Variants in ADAT2 observed in about 807,000 individuals in gnomAD.
ADAT2 encodes the protein tRNA-specific adenosine-34 deaminase catalytic subunit ADAT2.
Under a neutral mutation model 25.9 loss-of-function variants are expected in ADAT2, and 26 were observed. That is an observed-to-expected ratio of 1.00 (90% CI 0.74 to 1.39). The LOEUF (loss-of-function observed/expected upper bound fraction) is 1.39. Ranked by LOEUF, ADAT2 falls within the 40% of genes most tolerant of loss-of-function variation. ADAT2 has a pLI of 0.00. For synonymous variants in ADAT2, 76 were observed against 86.8 expected, an observed-to-expected ratio of 0.88 and a Z score of 0.69; for missense variants, 220 against 244.8, an observed-to-expected ratio of 0.90 and a Z score of 0.68.
At chr6:143,447,235 C>T (rs934311713) in intron 1 of ADAT2, among the ~76,000 whole-genome samples, 6 of 152,076 alleles carry the variant, frequency 3.9e-5, no homozygotes, top group African/African-American at 1.4e-4. Context: ...TATTTTATTT[C>T]ACCTTAATTA....
chr6:143,442,226 T>C lies in ADAT2; in HGVS notation c.97-3532A>G, dbSNP rs1779478563. On this transcript the variant is annotated intron_variant, in intron 1 of 5. Transcript: ENST00000237283. This position sits in a 1 kb window ranked among gnomAD's most constrained non-coding sequence, Gnocchi z 4.6. ...TGTACCATGGGACACAATGCAGCAA[T>C]AACAAGGAATGAACTATCGATAATC... 6.6e-6 allele frequency among the ~76,000 whole-genome samples: 1 copy of C among 152,132 alleles called. No individual in the cohort carries two copies. Among genetic ancestry groups the C allele is most frequent in the South Asian group, 2.1e-4 (1 of 4,834 alleles).
At position 143,446,146 on chromosome 6, in the gene ADAT2, G is replaced by A. The variant is rs1779593209; in HGVS notation, c.96+4417C>T. On this transcript the variant is annotated intron_variant, in intron 1 of 5. Coordinates refer to ENST00000237283, the MANE Select transcript of ADAT2 (RefSeq NM_182503.3). The surrounding 1 kb of genome is among the most constrained non-coding windows in gnomAD (Gnocchi z 5.0). ...TAATCCCTGTTATTCTGAAGCAACGGGGGTTTTTTCTGTTTTTTCCTATGC... is the reference window on the plus strand; with the variant it reads ...TAATCCCTGTTATTCTGAAGCAACGAGGGTTTTTTCTGTTTTTTCCTATGC... Among the ~76,000 whole-genome samples the A allele has an allele frequency of 6.6e-6, 1 of 150,894 alleles. No homozygotes were observed. The highest frequency in any genetic ancestry group is 6.6e-5 in the Admixed American group (1 of 15,128).
At chr6:143,450,021 T>G (rs1779716815) in intron 1 of ADAT2, 1 of 152,404 alleles carries the variant, frequency 6.6e-6, no homozygotes, top group African/African-American at 2.4e-5. Context: ...TTTTTCCCAG[T>G]TAAGAAGCTC....
rs1429477853 is a variant in ADAT2 at position 143,444,774 on chromosome 6, C to CT, written c.96+5788dup. ...TCTATTTTGTCCTTGAATATAATTT[C>CT]TTTTTTTTCTCTAGTCAGGGCCTGC... On this transcript the variant is annotated intron_variant, in intron 1 of 5. Coordinates refer to ENST00000237283, the MANE Select transcript of ADAT2 (RefSeq NM_182503.3). The surrounding 1 kb of genome is among the most constrained non-coding windows in gnomAD (Gnocchi z 4.3). 55 of 289,698 alleles carry CT rather than the reference C, an allele frequency of 1.9e-4. No individual in the cohort carries two copies. Among genetic ancestry groups the CT allele is most frequent in the Non-Finnish European group, 2.8e-4 (47 of 165,668 alleles). 17.9% of individuals were successfully genotyped at this position (289,698 alleles called of 1,614,324 possible).
rs1562635171 is a variant in ADAT2 at position 143,428,370 on chromosome 6, T to C, written c.*93A>G. 7.2e-7 allele frequency: 1 copy of C among 1,395,618 alleles called. No individual in the cohort carries two copies. Among genetic ancestry groups the C allele is most frequent in the Non-Finnish European group, 9.9e-7 (1 of 1,008,606 alleles). 86.5% of individuals were successfully genotyped at this position (1,395,618 alleles called of 1,614,324 possible). On this transcript the variant is annotated 3_prime_UTR_variant, in exon 6 of 6. Coordinates refer to ENST00000237283, the MANE Select transcript of ADAT2 (RefSeq NM_182503.3). The surrounding 1 kb of genome is among the most constrained non-coding windows in gnomAD (Gnocchi z 5.0). ...ATTTTCCTGCAGATTAAAAACAATA[T>C]ATAAACATATGATTCAACGATGTCA...
In ADAT2 at chr6:143,424,926, A is replaced by G. The variant is rs1444675327; in HGVS notation, c.*3537T>C. Reference sequence around the variant, plus strand: ...TGCTTATTCATTGCAACAGAGAAAAAAGGTAACTATATAGTGAAGGAATAG... The same window carrying G: ...TGCTTATTCATTGCAACAGAGAAAAGAGGTAACTATATAGTGAAGGAATAG... On this transcript the variant is annotated 3_prime_UTR_variant, in exon 6 of 6. Transcript: ENST00000237283. This position sits in a 1 kb window ranked among gnomAD's most constrained non-coding sequence, Gnocchi z 4.8. 6.6e-6 allele frequency: 1 copy of G among 152,190 alleles called. No homozygotes were observed. The highest frequency in any genetic ancestry group is 2.4e-5 in the African/African-American group (1 of 41,466). 9.4% of individuals were successfully genotyped at this position (152,190 alleles called of 1,614,324 possible). A position where few individuals can be genotyped will look rare whatever the true frequency, so the allele number is the denominator to read the frequency against.
In ADAT2 at chr6:143,434,070, G is replaced by T; in HGVS notation, c.202-89C>A. ...TACAAAAACTAAGTACAAAATATGC[G>T]CCTATCCTTTCTGCCAATATTTTAA... On this transcript the variant is annotated intron_variant, in intron 2 of 5. Coordinates refer to ENST00000237283, the MANE Select transcript of ADAT2 (RefSeq NM_182503.3). The surrounding 1 kb of genome is among the most constrained non-coding windows in gnomAD (Gnocchi z 4.5). 1 of 1,493,118 alleles carries T rather than the reference G, an allele frequency of 6.7e-7. No homozygotes were observed. Among genetic ancestry groups the T allele is most frequent in the Non-Finnish European group, 9.1e-7 (1 of 1,098,072 alleles). 92.5% of individuals were successfully genotyped at this position (1,493,118 alleles called of 1,614,324 possible).
At chr6:143,447,342 C>T (rs1173762062) in intron 1 of ADAT2, among the ~76,000 whole-genome samples, 1 of 152,150 alleles carries the variant, frequency 6.6e-6, no homozygotes, top group Non-Finnish European at 1.5e-5. Context: ...TTTCAAAGCA[C>T]ATACATCCTT....
chr6:143,441,477 G>C (rs1331444004), intron 1 of ADAT2: 1 of 152,426 alleles, frequency 6.6e-6, no homozygotes, highest in Non-Finnish European at 1.5e-5. Context: ...ATCAGCATCT[G>C]CTTCCAGTGA....
Position 143,432,542 on chromosome 6 carries a change from G to A in ADAT2, c.422C>T (p.Ala141Val). ...CCCAGTGTTTGGTAGGTCAGCAGAGGCAATATTTAGAACAGAGCCACAACC... is the reference window on the plus strand; with the variant it reads ...CCCAGTGTTTGGTAGGTCAGCAGAGACAATATTTAGAACAGAGCCACAACC... The part of the protein sequence containing the change: ...FGGCGSVLNI[A>V]SADLPNTGRP... The change falls in exon 4 of 6, where the codon GCC becomes GTC. Residue 141 changes from alanine (A) to valine (V), a missense_variant. By Grantham distance (64) the Ala-to-Val change is moderately conservative (BLOSUM62 0). Coordinates refer to ENST00000237283, the MANE Select transcript of ADAT2 (RefSeq NM_182503.3). The surrounding 1 kb of genome is among the most constrained non-coding windows in gnomAD (Gnocchi z 4.4). 6.2e-7 allele frequency: 1 copy of A among 1,614,150 alleles called. No individual in the cohort carries two copies. Among genetic ancestry groups the A allele is most frequent in the Non-Finnish European group, 8.5e-7 (1 of 1,180,026 alleles).
chr6:143,425,097 A>G lies in ADAT2; in HGVS notation c.*3366T>C, dbSNP rs1331850226. On this transcript the variant is annotated 3_prime_UTR_variant, in exon 6 of 6. Coordinates refer to ENST00000237283, the MANE Select transcript of ADAT2 (RefSeq NM_182503.3). ...AGAAAATATCAAATAAATTTAAAAC[A>G]AGGACCATTCTATTATTTAAAAAAA... 2.0e-5 allele frequency: 3 copies of G among 152,206 alleles called. No homozygotes were observed. In the East Asian group the frequency reaches 5.8e-4, roughly 29 times the overall value. The allele number at this position is 152,206 out of a possible 1,614,324, so 9.4% of individuals were successfully genotyped here.
intron 1 of ADAT2, among the ~76,000 whole-genome samples, chr6:143,439,301 C>T (rs1259491256): frequency 9.4e-6 from 1 of 105,916 alleles, no homozygotes; most frequent in Non-Finnish European, 1.9e-5. Flanking sequence ...CAGTCTATAA[C>T]AAAATTCCAC....
chr6:143,427,718 T>G lies in ADAT2; in HGVS notation c.*745A>C, dbSNP rs1778980490. On this transcript the variant is annotated 3_prime_UTR_variant, in exon 6 of 6. Transcript: ENST00000237283. ...GTAATCTATCATATCCATCTCCCCT[T>G]GCTAGAATATAAGCTCCATGAGGGT... 1 of 152,198 alleles carries G rather than the reference T, an allele frequency of 6.6e-6. No homozygotes were observed. The highest frequency in any genetic ancestry group is 2.4e-5 in the African/African-American group (1 of 41,448). The allele number at this position is 152,198 out of a possible 1,614,324, so 9.4% of individuals were successfully genotyped here. A position where few individuals can be genotyped will look rare whatever the true frequency, so the allele number is the denominator to read the frequency against.
rs374066873 is a variant in ADAT2, at chr6:143,428,415, T to A, written c.*48A>T. On this transcript the variant is annotated 3_prime_UTR_variant, in exon 6 of 6. Transcript: ENST00000237283. The surrounding 1 kb of genome is among the most constrained non-coding windows in gnomAD (Gnocchi z 5.0). ...ATGTCAACAGCTTTCAGTCTATGAA[T>A]CTTGTCCAGGTCACTTTGGGTCACT... is the stretch of plus-strand genomic sequence containing the variant. The A allele has an allele frequency of 2.1e-5, 34 of 1,588,208 alleles. No homozygotes were observed. In the African/African-American group the frequency reaches 4.5e-4, roughly 21 times the overall value.
At chr6:143,435,646 A>C (rs370759999) in intron 2 of ADAT2, among the ~76,000 whole-genome samples, 314 of 152,314 alleles carry the variant, frequency 2.1e-3, no homozygotes, top group African/African-American at 7.1e-3. Context: ...TTCTACTCCT[A>C]AATAAGTATC....
At chr6:143,439,477 C>A (rs1779394268) in intron 1 of ADAT2, among the ~76,000 whole-genome samples, 1 of 152,082 alleles carries the variant, frequency 6.6e-6, no homozygotes, top group Non-Finnish European at 1.5e-5. Context: ...CAAACTGTGT[C>A]CTATTCATAT....
intron 1 of ADAT2, 102 bp downstream of exon 1, chr6:143,450,461 A>C: frequency 7.7e-7 from 1 of 1,305,168 alleles, no homozygotes; most frequent in Non-Finnish European, 1.1e-6. Flanking sequence ...GACTGCCATA[A>C]AAATTATGGT....
Position 143,432,466 on chromosome 6 carries a change from A to G in ADAT2, c.459+39T>C. The G allele has an allele frequency of 6.4e-7, 1 of 1,557,736 alleles. No individual in the cohort carries two copies. The highest frequency in any genetic ancestry group is 8.9e-7 in the Non-Finnish European group (1 of 1,128,954). On this transcript the variant is annotated intron_variant, in intron 4 of 5. Coordinates refer to ENST00000237283, the MANE Select transcript of ADAT2 (RefSeq NM_182503.3). This position sits in a 1 kb window ranked among gnomAD's most constrained non-coding sequence, Gnocchi z 4.4. ...CACAAGCCCATAAAGAGATGAAAATAATTAGCAAGAAAGAAAAAGCATAAG... is the reference window on the plus strand; with the variant it reads ...CACAAGCCCATAAAGAGATGAAAATGATTAGCAAGAAAGAAAAAGCATAAG...
In ADAT2 at chr6:143,434,027, A is replaced by T; in HGVS notation, c.202-46T>A. The T allele has an allele frequency of 6.2e-7, 1 of 1,603,582 alleles. No homozygotes were observed. The highest frequency in any genetic ancestry group is 8.5e-7 in the Non-Finnish European group (1 of 1,176,446). ...GCACTGATGCTGTTTGCTTCATGTG[A>T]CTACTATTTTACAAATATACAAAAA... On this transcript the variant is annotated intron_variant, in intron 2 of 5. Transcript: ENST00000237283. The surrounding 1 kb of genome is among the most constrained non-coding windows in gnomAD (Gnocchi z 4.5).
Sources: gnomAD v4.1 joint callset for allele counts (sites outside exome capture counted in the v4.1 genomes callset) on GRCh38, gnomAD v4.1.1 for gene constraint, Gnocchi (gnomAD v3.1) non-coding constraint, MANE v1.5 for transcripts, NCBI Gene and HGNC (gene_info 2026-07-23, HGNC 2026-07-21) for gene names.